SLC30A4: variants seen among roughly 807,000 people sequenced by gnomAD.
SLC30A4 encodes solute carrier family 30 member 4, also known as probable proton-coupled zinc antiporter SLC30A4.
A neutral mutation model predicts 41.7 loss-of-function variants in SLC30A4; 20 were observed. The ratio of observed to expected loss-of-function variants is 0.48; its 90% confidence interval spans 0.34 to 0.70. SLC30A4 has a LOEUF of 0.70. Among genes scored for constraint, SLC30A4 ranks in the 30% least tolerant of loss-of-function variants. The pLI is 0.01. For synonymous variants in SLC30A4, 181 were observed against 195.9 expected, an observed-to-expected ratio of 0.92 and a Z score of 0.64; for missense variants, 441 against 529.3, an observed-to-expected ratio of 0.83 and a Z score of 1.64.
At chr15:45,513,651 T>G (rs1892367469) in intron 2 of SLC30A4, 1 of 152,156 alleles carries the variant, frequency 6.6e-6, no homozygotes, top group South Asian at 2.1e-4. Flanking sequence ...AGAACAGTTA[T>G]CTTCATGGTG....
In SLC30A4 at chr15:45,522,101, T is replaced by G; in HGVS notation, c.254A>C (p.Asn85Thr). 1 of 1,614,222 alleles carries G rather than the reference T, an allele frequency of 6.2e-7. No homozygotes were observed. The highest frequency in any genetic ancestry group is 8.5e-7 in the Non-Finnish European group (1 of 1,180,034). ...SLLDQDLPLT[N>T]SQLSLKVDSC... ...GTCCACCTTCAAACTCAGCTGACTGTTGGTCAAAGGTAAGTCTTGGTCCAG... is the reference window on the plus strand; with the variant it reads ...GTCCACCTTCAAACTCAGCTGACTGGTGGTCAAAGGTAAGTCTTGGTCCAG... The change falls in exon 2 of 8, where the codon AAC becomes ACC. Residue 85 changes from asparagine (N) to threonine (T), a missense_variant. Asn to Thr is a moderately conservative substitution (Grantham distance 65). Around this residue, in one of 3 missense-constraint regions of SLC30A4, gnomAD observed 312 missense variants for 341.9 expected, o/e 0.91. Transcript: ENST00000261867.
At chr15:45,517,481 G>A (rs1169937118) in intron 2 of SLC30A4, among the ~76,000 whole-genome samples, 1 of 150,526 alleles carries the variant, frequency 6.6e-6, no homozygotes. Context: ...GGCCTCCCGA[G>A]TAGCTGGGAT....
intron 3 of SLC30A4, among the ~76,000 whole-genome samples, chr15:45,501,774 T>A (rs1223389700): frequency 6.6e-6 from 1 of 152,062 alleles, no homozygotes; most frequent in Non-Finnish European, 1.5e-5. Context: ...CAAAATGCTG[T>A]GATTATAGGA....
chr15:45,490,462 CTAGT>C (rs1891789391), intron 4 of SLC30A4, among the ~76,000 whole-genome samples: 1 of 152,020 alleles, frequency 6.6e-6, no homozygotes, highest in Non-Finnish European at 1.5e-5. Flanking sequence ...GAAAAAAAAT[CTAGT>C]TAACACAAAA....
chr15:45,491,891 A>G (rs1891816801), intron 3 of SLC30A4, among the ~76,000 whole-genome samples: 1 of 152,106 alleles, frequency 6.6e-6, no homozygotes, highest in African/African-American at 2.4e-5. Flanking sequence ...AATTCATAAT[A>G]AACAGAAATG....
At position 45,482,041 on chromosome 15, in the gene SLC30A4, G is replaced by A. The variant is rs1175915286; in HGVS notation, c.*3122C>T. On this transcript the variant is annotated 3_prime_UTR_variant, in exon 8 of 8. Transcript: ENST00000261867. ...CTCAAGACCAGCCTGGGCAACATAGGGAGACCCCATCTCATTAAAAAAAAA... is the reference window on the plus strand; with the variant it reads ...CTCAAGACCAGCCTGGGCAACATAGAGAGACCCCATCTCATTAAAAAAAAA... The A allele has an allele frequency of 8.2e-6, 1 of 122,496 alleles. No homozygotes were observed. The highest frequency in any genetic ancestry group is 3.3e-5 in the African/African-American group (1 of 30,202). 7.6% of individuals were successfully genotyped at this position (122,496 alleles called of 1,614,324 possible).
chr15:45,492,800 A>T, intron 3 of SLC30A4, among the ~76,000 whole-genome samples: 1 of 152,224 alleles, frequency 6.6e-6, no homozygotes, highest in South Asian at 2.1e-4. Flanking sequence ...CAGAAGGATT[A>T]TACAAAATAC....
chr15:45,497,585 A>G (rs1403830077), intron 3 of SLC30A4, among the ~76,000 whole-genome samples: 1 of 152,186 alleles, frequency 6.6e-6, no homozygotes. Context: ...AATTTCATAT[A>G]TAGAGAATAA....
chr15:45,501,619 G>A (rs1014374604), intron 3 of SLC30A4, among the ~76,000 whole-genome samples: 33 of 152,174 alleles, frequency 2.2e-4, no homozygotes, highest in African/African-American at 7.5e-4. Context: ...TCCTGCCTCA[G>A]CCTCCTGAGT....
At chr15:45,510,321 A>C (rs1892257567) in intron 3 of SLC30A4, among the ~76,000 whole-genome samples, 1 of 152,216 alleles carries the variant, frequency 6.6e-6, no homozygotes, top group East Asian at 1.9e-4. Context: ...CTACAGTCTA[A>C]GTTTTTTTAG....
intron 3 of SLC30A4, 135 bp downstream of exon 3, chr15:45,511,003 T>C (rs978195958): frequency 3.0e-6 from 2 of 665,734 alleles, no homozygotes; most frequent in Non-Finnish European, 5.1e-6. Flanking sequence ...TGTTTCTGAA[T>C]AAATTTTGTT....
At chr15:45,501,180 C>T (rs898366562) in intron 3 of SLC30A4, among the ~76,000 whole-genome samples, 12 of 151,642 alleles carry the variant, frequency 7.9e-5, no homozygotes, top group Non-Finnish European at 1.3e-4. Context: ...TGGTGGCAGG[C>T]GCCTGTAGTC....
chr15:45,489,394 T>C (rs921741318), intron 4 of SLC30A4, among the ~76,000 whole-genome samples: 13 of 151,974 alleles, frequency 8.6e-5, no homozygotes, highest in Admixed American at 3.3e-4. Context: ...TCTAAGCAGA[T>C]ACCTGAAGGA....
chr15:45,509,951 A>G (rs1009597927), intron 3 of SLC30A4, among the ~76,000 whole-genome samples: 2 of 152,290 alleles, frequency 1.3e-5, no homozygotes, highest in African/African-American at 2.4e-5. Flanking sequence ...GCACGCCTAT[A>G]GTCCCAGCTA....
chr15:45,493,098 C>T (rs1891842346), intron 3 of SLC30A4, among the ~76,000 whole-genome samples: 1 of 152,000 alleles, frequency 6.6e-6, no homozygotes, highest in African/African-American at 2.4e-5. Flanking sequence ...ATGGCAAAAG[C>T]CCGTCTCTAC....
Position 45,522,094 on chromosome 15 carries a change from C to T in SLC30A4, c.261G>A (p.Gln87=). Residue 87 remains glutamine (Q), a synonymous_variant, in exon 2 of 8, where the codon CAG becomes CAA. Transcript: ENST00000261867. ...LDQDLPLTNS[Q]LSLKVDSCDN... ...CACAGGAGTCCACCTTCAAACTCAG[C>T]TGACTGTTGGTCAAAGGTAAGTCTT... 6.2e-7 allele frequency: 1 copy of T among 1,614,234 alleles called. No homozygotes were observed. The highest frequency in any genetic ancestry group is 1.7e-5 in the Admixed American group (1 of 60,028).
chr15:45,522,363 C>T lies in SLC30A4; in HGVS notation c.-9G>A. The T allele has an allele frequency of 6.3e-7, 1 of 1,592,898 alleles. No homozygotes were observed. The highest frequency in any genetic ancestry group is 8.5e-7 in the Non-Finnish European group (1 of 1,171,072). Reference sequence around the variant, plus strand: ...GCGCCAGAGCCGGCCATGGCAGAGGCTGAGCGGCCGCGGTGCGGAACGGCT... The same window carrying T: ...GCGCCAGAGCCGGCCATGGCAGAGGTTGAGCGGCCGCGGTGCGGAACGGCT... On this transcript the variant is annotated 5_prime_UTR_variant, in exon 2 of 8. Coordinates refer to ENST00000261867, the MANE Select transcript of SLC30A4 (RefSeq NM_013309.6).
intron 2 of SLC30A4, among the ~76,000 whole-genome samples, chr15:45,511,657 T>A (rs1892295153): frequency 6.6e-6 from 1 of 152,182 alleles, no homozygotes; most frequent in Admixed American, 6.5e-5. Context: ...CTAATTTTTG[T>A]ATTTTTAGTA....
At chr15:45,505,946 G>A (rs1475755317) in intron 3 of SLC30A4, among the ~76,000 whole-genome samples, 4 of 152,096 alleles carry the variant, frequency 2.6e-5, no homozygotes, top group East Asian at 1.9e-4. Context: ...TTGGGAGGCC[G>A]AGGCGGGTGG....
Sources: gnomAD v4.1 joint callset for allele counts (sites outside exome capture counted in the v4.1 genomes callset) on GRCh38, gnomAD v4.1.1 for gene constraint, gnomAD v4.1.1 regional missense constraint, MANE v1.5 for transcripts, NCBI Gene and HGNC (gene_info 2026-07-23, HGNC 2026-07-21) for gene names.